Variants in SMOC2 observed in about 807,000 individuals in gnomAD.
The protein encoded by SMOC2 is SPARC-related modular calcium-binding protein 2.
Under a neutral mutation model 61.4 loss-of-function variants are expected in SMOC2, and 39 were observed. The observed-to-expected ratio is 0.64, with a 90% CI of 0.49 to 0.83. The LOEUF is 0.83. SMOC2 is among the 40% of genes least tolerant of loss of function. The pLI, the probability that SMOC2 is intolerant of heterozygous loss-of-function variation, is 0.00. For missense variants in SMOC2, 556 were observed against 592.9 expected, an observed-to-expected ratio of 0.94 and a Z score of 0.65; for synonymous variants, 247 against 239.9, an observed-to-expected ratio of 1.03 and a Z score of -0.27.
At position 168,591,634 on chromosome 6, in the gene SMOC2, A is replaced by G. The variant is rs199900648; in HGVS notation, c.638-7184A>G. Among the ~76,000 whole-genome samples the G allele has an allele frequency of 2.0e-4, 30 of 148,886 alleles. No homozygotes were observed. The East Asian group carries it at 5.1e-3, about 25-fold the overall frequency. ...ATTGTTAATATAATATATAATTAAT[A>G]TAATACTATAAGTAATATAATACAT... On this transcript the variant is annotated intron_variant, in intron 7 of 12. Transcript: ENST00000356284.
chr6:168,505,497 G>A lies in SMOC2; in HGVS notation c.85-4418G>A, dbSNP rs547853666. Reference sequence around the variant, plus strand: ...GGATGAATGAGTGAATGGAATGTCCGTCTCTCAGATGCCGGATGAATGACT... The same window carrying A: ...GGATGAATGAGTGAATGGAATGTCCATCTCTCAGATGCCGGATGAATGACT... On this transcript the variant is annotated intron_variant, in intron 1 of 12. Transcript: ENST00000356284. Among the ~76,000 whole-genome samples the A allele has an allele frequency of 6.8e-4, 103 of 150,950 alleles. 2 individuals carry two copies. Among genetic ancestry groups the A allele is most frequent in the South Asian group, 6.7e-3 (32 of 4,750 alleles).
At chr6:168,625,465 A>G (rs541933980) in intron 9 of SMOC2, among the ~76,000 whole-genome samples, 1 of 152,324 alleles carries the variant, frequency 6.6e-6, no homozygotes, top group East Asian at 1.9e-4. Flanking sequence ...GTCAGCTCAA[A>G]TGCCCCGCAT....
chr6:168,547,940 A>G (rs1784044700), intron 6 of SMOC2, among the ~76,000 whole-genome samples: 2 of 152,202 alleles, frequency 1.3e-5, no homozygotes, highest in Admixed American at 1.3e-4. Context: ...TTCCCTGTTT[A>G]CATTTCACGT....
intron 2 of SMOC2, among the ~76,000 whole-genome samples, chr6:168,518,134 C>T (rs1417721349): frequency 6.6e-6 from 1 of 152,204 alleles, no homozygotes; most frequent in African/African-American, 2.4e-5. Context: ...TTGGAGGAAG[C>T]GGGAGTCGCG....
At chr6:168,495,246 G>T (rs1368546335) in intron 1 of SMOC2, among the ~76,000 whole-genome samples, 2 of 152,198 alleles carry the variant, frequency 1.3e-5, no homozygotes, top group Non-Finnish European at 2.9e-5. Context: ...GGCTCCTTGT[G>T]GCCCAGGTGT....
At chr6:168,446,133 C>T (rs1401960283) in intron 1 of SMOC2, among the ~76,000 whole-genome samples, 1 of 152,304 alleles carries the variant, frequency 6.6e-6, no homozygotes, top group Non-Finnish European at 1.5e-5. Context: ...GAAGCCAAGG[C>T]GGGTGGATCA....
At chr6:168,620,950 C>T (rs1786228456) in intron 9 of SMOC2, among the ~76,000 whole-genome samples, 1 of 149,800 alleles carries the variant, frequency 6.7e-6, no homozygotes, top group Non-Finnish European at 1.5e-5. Flanking sequence ...TGTCAAACTC[C>T]TTGGACACCC....
intron 7 of SMOC2, among the ~76,000 whole-genome samples, chr6:168,578,191 C>T (rs1016535814): frequency 1.3e-5 from 2 of 152,164 alleles, no homozygotes; most frequent in Non-Finnish European, 2.9e-5. Flanking sequence ...TTGGCCGTGC[C>T]CTGCAATCTT....
intron 2 of SMOC2, among the ~76,000 whole-genome samples, chr6:168,515,454 T>G (rs900669296): frequency 1.5e-3 from 41 of 28,014 alleles, no homozygotes; most frequent in Non-Finnish European, 5.2e-3. Flanking sequence ...CTCCGTCCGC[T>G]TTCCGCTCCA....
chr6:168,470,121 C>T (rs1448585575), intron 1 of SMOC2, among the ~76,000 whole-genome samples: 3 of 152,148 alleles, frequency 2.0e-5, no homozygotes, highest in Non-Finnish European at 4.4e-5. Context: ...AGCCCCTGCT[C>T]CAGAATCTAC....
At chr6:168,577,850 A>C (rs10945520) in intron 7 of SMOC2, among the ~76,000 whole-genome samples, 4,634 of 152,286 alleles carry the variant, frequency 0.03, 266 homozygotes, top group African/African-American at 0.11. Flanking sequence ...TGAGTCCAGA[A>C]CTGAGAGTTT....
chr6:168,600,447 A>C (rs1785521347), intron 8 of SMOC2, among the ~76,000 whole-genome samples: 3 of 140,796 alleles, frequency 2.1e-5, no homozygotes, highest in East Asian at 2.1e-4. Context: ...AAAAAAAAAC[A>C]GTAGTTTCAA....
intron 4 of SMOC2, among the ~76,000 whole-genome samples, chr6:168,537,100 A>C (rs866499761): frequency 2.6e-5 from 4 of 152,348 alleles, no homozygotes; most frequent in Non-Finnish European, 5.9e-5. Context: ...GGAGACCCTG[A>C]CTGGTCCAAA....
chr6:168,617,909 C>T (rs56058213), intron 9 of SMOC2, among the ~76,000 whole-genome samples: 38,854 of 152,200 alleles, frequency 0.26, 5,069 homozygotes, highest in Non-Finnish European at 0.27. Flanking sequence ...TCCAGCGCCT[C>T]GCTGAGGGGC....
At position 168,526,343 on chromosome 6, in the gene SMOC2, C is replaced by T; in HGVS notation, c.257-3C>T. On this transcript the variant is annotated splice_polypyrimidine_tract_variant and splice_region_variant and intron_variant, in intron 2 of 12. Coordinates refer to ENST00000356284, the MANE Select transcript of SMOC2 (RefSeq NM_001166412.2). ...CACACCTCTGCCCTGTTCTTCCCTA[C>T]AGACGTGTCCAGGTGTGTGGCCGAA... is the stretch of plus-strand genomic sequence containing the variant. The T allele has an allele frequency of 8.7e-6, 14 of 1,613,574 alleles. No homozygotes were observed. The highest frequency in any genetic ancestry group is 2.2e-5 in the East Asian group (1 of 44,868).
At chr6:168,484,280 G>C (rs779107660) in intron 1 of SMOC2, among the ~76,000 whole-genome samples, 1 of 151,984 alleles carries the variant, frequency 6.6e-6, no homozygotes, top group African/African-American at 2.4e-5. Flanking sequence ...CAAAGGATTT[G>C]AATGGACATT....
chr6:168,590,616 C>T (rs1431971052), intron 7 of SMOC2, among the ~76,000 whole-genome samples: 3 of 152,198 alleles, frequency 2.0e-5, no homozygotes, highest in African/African-American at 7.2e-5. Flanking sequence ...AAACCTGCAG[C>T]GTGCGATGTC....
rs192786981 is a variant in SMOC2 at position 168,463,474 on chromosome 6, A to G, written c.84+22020A>G. Among the ~76,000 whole-genome samples the G allele has an allele frequency of 2.6e-5, 4 of 152,312 alleles. No homozygotes were observed. The East Asian group carries it at 5.8e-4, about 22-fold the overall frequency. On this transcript the variant is annotated intron_variant, in intron 1 of 12. Coordinates refer to ENST00000356284, the MANE Select transcript of SMOC2 (RefSeq NM_001166412.2). Reference sequence around the variant, plus strand: ...GAGGTTACTAAAATCTGCTAGTTTTACATTTTTCAAGTAATGCATGTCGAC... The same window carrying G: ...GAGGTTACTAAAATCTGCTAGTTTTGCATTTTTCAAGTAATGCATGTCGAC...
intron 7 of SMOC2, among the ~76,000 whole-genome samples, chr6:168,576,812 A>G (rs73789133): frequency 1.3e-5 from 2 of 152,068 alleles, no homozygotes; most frequent in African/African-American, 4.8e-5. Flanking sequence ...CTCATCGTCG[A>G]TGTGAACACA....
Sources: allele counts gnomAD v4.1 joint callset (sites outside exome capture counted in the v4.1 genomes callset), GRCh38; gene constraint gnomAD v4.1.1; transcripts MANE v1.5; gene names NCBI Gene and HGNC (gene_info 2026-07-23, HGNC 2026-07-21).